Variants in TTLL9 observed in about 807,000 individuals in gnomAD.
TTLL9 encodes the protein tubulin tyrosine ligase like 9, also known as probable tubulin polyglutamylase TTLL9.
In TTLL9, 47 loss-of-function variants were observed where a neutral mutation model predicts 65.6. That is an observed-to-expected ratio of 0.72 (90% CI 0.57 to 0.91). The LOEUF (loss-of-function observed/expected upper bound fraction) is 0.91, where lower values mean the gene tolerates loss of function less well. Ranked by LOEUF, TTLL9 falls within the 40% of genes least tolerant of loss-of-function variation. The pLI, the probability that TTLL9 is intolerant of heterozygous loss-of-function variation, is 0.00. For synonymous variants in TTLL9, 179 were observed against 204.8 expected, an observed-to-expected ratio of 0.87 and a Z score of 1.07; for missense variants, 537 against 568.8, an observed-to-expected ratio of 0.94 and a Z score of 0.57.
intron 14 of TTLL9, among the ~76,000 whole-genome samples, chr20:31,942,351 G>A (rs1314038829): frequency 1.3e-5 from 2 of 152,216 alleles, no homozygotes. Flanking sequence ...GGCAGCCTCA[G>A]CACGAACTGC....
intron 3 of TTLL9, among the ~76,000 whole-genome samples, chr20:31,887,855 C>CCTCTT (rs11273358): frequency 0.095 from 10,950 of 114,984 alleles, 789 homozygotes; most frequent in Non-Finnish European, 0.11. Flanking sequence ...TATCTCCTCT[C>CCTCTT]CTCTTCTCTT....
intron 3 of TTLL9, among the ~76,000 whole-genome samples, chr20:31,895,207 G>A (rs1471300216): frequency 6.6e-6 from 1 of 152,230 alleles, no homozygotes; most frequent in African/African-American, 2.4e-5. Flanking sequence ...TACGTAAGTT[G>A]TTTCAAAAGA....
chr20:31,909,272 T>A (rs1209104383), intron 5 of TTLL9, among the ~76,000 whole-genome samples: 1 of 151,244 alleles, frequency 6.6e-6, no homozygotes, highest in African/African-American at 2.4e-5. Flanking sequence ...AGTAGCTGAG[T>A]AGCTGAGATT....
intron 2 of TTLL9, among the ~76,000 whole-genome samples, chr20:31,877,422 C>T (rs565109855): frequency 1.1e-4 from 17 of 152,222 alleles, no homozygotes; most frequent in Admixed American, 7.9e-4. Flanking sequence ...CGTGAGCCAC[C>T]GCGCCCGGCC....
At position 31,887,253 on chromosome 20, in the gene TTLL9, T is replaced by C. The variant is rs547260853; in HGVS notation, c.113+14T>C. ...GGGAAAAGAGCGGTGAGTGGTCCCA[T>C]CCAATCCAACAATCACAGCGCAACC... On this transcript the variant is annotated intron_variant, in intron 3 of 14. Transcript: ENST00000535842. 1 of 1,614,130 alleles carries C rather than the reference T, an allele frequency of 6.2e-7. No homozygotes were observed.
At chr20:31,930,937 T>G (rs181759002) in intron 10 of TTLL9, among the ~76,000 whole-genome samples, 1 of 152,278 alleles carries the variant, frequency 6.6e-6, no homozygotes, top group Admixed American at 6.5e-5. Context: ...CCTCTGCTCC[T>G]AAGGAGGCCC....
intron 6 of TTLL9, among the ~76,000 whole-genome samples, chr20:31,913,401 A>C (rs1252737818): frequency 6.6e-6 from 1 of 152,186 alleles, no homozygotes; most frequent in Non-Finnish European, 1.5e-5. Flanking sequence ...TGTTAAAAAC[A>C]GAACATTGCC....
At chr20:31,900,471 G>T (rs1447121063) in intron 4 of TTLL9, among the ~76,000 whole-genome samples, 1 of 152,196 alleles carries the variant, frequency 6.6e-6, no homozygotes, top group Admixed American at 6.5e-5. Flanking sequence ...ATGAGCAGAT[G>T]TTATGAATCT....
At chr20:31,941,421 C>A (rs952915668) in intron 14 of TTLL9, among the ~76,000 whole-genome samples, 2 of 152,058 alleles carry the variant, frequency 1.3e-5, no homozygotes, top group Non-Finnish European at 2.9e-5. Context: ...TCTATCTTGG[C>A]TGCCCATTGG....
At chr20:31,916,169 C>T (rs1259847123) in intron 6 of TTLL9, among the ~76,000 whole-genome samples, 4 of 152,198 alleles carry the variant, frequency 2.6e-5, no homozygotes, top group Non-Finnish European at 5.9e-5. Flanking sequence ...CACGGGATGG[C>T]TGCTGGGTTC....
At chr20:31,912,277 C>G (rs1398791277) in intron 6 of TTLL9, among the ~76,000 whole-genome samples, 1 of 152,170 alleles carries the variant, frequency 6.6e-6, no homozygotes, top group Non-Finnish European at 1.5e-5. Context: ...CGTGCAGCAT[C>G]CAGGGACCTA....
chr20:31,923,547 A>T (rs56151702), intron 8 of TTLL9, among the ~76,000 whole-genome samples: 3,991 of 152,246 alleles, frequency 0.026, 177 homozygotes, highest in African/African-American at 0.089. Context: ...CCTGAGTGAC[A>T]ACTGGGAGTC....
chr20:31,941,410 C>G (rs924917502), intron 14 of TTLL9, among the ~76,000 whole-genome samples: 2 of 152,068 alleles, frequency 1.3e-5, no homozygotes, highest in African/African-American at 4.8e-5. Flanking sequence ...AGCGGCGGTT[C>G]TCTATCTTGG....
Position 31,943,591 on chromosome 20 carries a change from C to T in TTLL9, c.*570C>T, listed in dbSNP as rs529002053. 24 of 372,002 alleles carry T rather than the reference C, an allele frequency of 6.5e-5. No homozygotes were observed. Among genetic ancestry groups the T allele is most frequent in the Middle Eastern group, 5.9e-4 (1 of 1,706 alleles). 23.0% of individuals were successfully genotyped at this position (372,002 alleles called of 1,614,324 possible). On this transcript the variant is annotated 3_prime_UTR_variant, in exon 15 of 15. Coordinates refer to ENST00000535842, the MANE Select transcript of TTLL9 (RefSeq NM_001008409.5). ...TACTGAGCCCTAAACACATCCTCTTCTCCTTGCATGTCAGGGGAGCCCATG... is the reference window on the plus strand; with the variant it reads ...TACTGAGCCCTAAACACATCCTCTTTTCCTTGCATGTCAGGGGAGCCCATG...
chr20:31,919,016 AGAG>A (rs1348933680), intron 6 of TTLL9, among the ~76,000 whole-genome samples: 1 of 152,174 alleles, frequency 6.6e-6, no homozygotes, highest in Non-Finnish European at 1.5e-5. Flanking sequence ...GGCCATGCTC[AGAG>A]GAGAACAGAA....
intron 6 of TTLL9, among the ~76,000 whole-genome samples, chr20:31,917,849 A>G (rs576422647): frequency 6.6e-6 from 1 of 152,322 alleles, no homozygotes; most frequent in African/African-American, 2.4e-5. Context: ...TGGCTGAGTT[A>G]GGTCAGAGCC....
rs186464077 is a variant in TTLL9 at position 31,925,886 on chromosome 20, G to T, written c.706-163G>T. 4 of 1,551,552 alleles carry T rather than the reference G, an allele frequency of 2.6e-6. No homozygotes were observed. The East Asian group carries it at 9.8e-5, about 38-fold the overall frequency. The stretch of plus-strand genomic sequence containing the variant: ...CCTCTGCCTTAGTACATCCCGCTGC[G>T]GGCCTGGCTCTACCGGGATGGCTTT... On this transcript the variant is annotated intron_variant, in intron 9 of 14. Coordinates refer to ENST00000535842, the MANE Select transcript of TTLL9 (RefSeq NM_001008409.5).
chr20:31,922,401 G>A (rs552577898), intron 7 of TTLL9, among the ~76,000 whole-genome samples: 2 of 152,176 alleles, frequency 1.3e-5, no homozygotes, highest in African/African-American at 2.4e-5. Flanking sequence ...TCTCCAGAAC[G>A]TTTCATCTTC....
At chr20:31,879,841 C>G (rs768486608) in intron 2 of TTLL9, 3 of 1,549,710 alleles carry the variant, frequency 1.9e-6, no homozygotes, top group Non-Finnish European at 2.6e-6. Context: ...GCACGCGAGG[C>G]GCGCGGTGGC....
Sources: allele counts gnomAD v4.1 joint callset (sites outside exome capture counted in the v4.1 genomes callset), GRCh38; gene constraint gnomAD v4.1.1; transcripts MANE v1.5; gene names NCBI Gene and HGNC (gene_info 2026-07-23, HGNC 2026-07-21).